Variants in SPATA16 observed in about 807,000 individuals in gnomAD.
SPATA16 encodes spermatogenesis associated 16, also known as spermatogenesis-associated protein 16.
In SPATA16, 36 loss-of-function variants were observed where a neutral mutation model predicts 63.3. The observed-to-expected ratio is 0.57, with a 90% CI of 0.44 to 0.75. The LOEUF is 0.75. Among genes scored for constraint, SPATA16 ranks in the 30% least tolerant of loss-of-function variants. The pLI is 0.00. For missense variants in SPATA16, 646 were observed against 679.3 expected (o/e 0.95, Z 0.54); for synonymous variants, 203 against 216.7 (o/e 0.94, Z 0.56).
intron 10 of SPATA16, among the ~76,000 whole-genome samples, chr3:172,892,213 C>T (rs1446847902): frequency 6.6e-6 from 1 of 152,112 alleles, no homozygotes; most frequent in Admixed American, 6.6e-5. Flanking sequence ...TGCCTGTGTA[C>T]TTGAAACAGC....
chr3:173,056,529 C>G (rs1223330956), intron 2 of SPATA16, among the ~76,000 whole-genome samples: 1 of 151,662 alleles, frequency 6.6e-6, no homozygotes, highest in African/African-American at 2.4e-5. Context: ...ATAGTAAAAC[C>G]CCGTCTCTAC....
intron 4 of SPATA16, among the ~76,000 whole-genome samples, chr3:173,005,512 CTT>C (rs1734923696): frequency 6.6e-6 from 1 of 152,000 alleles, no homozygotes; most frequent in South Asian, 2.1e-4. Context: ...GAAAAAGTAT[CTT>C]TCTTTGTACT....
intron 10 of SPATA16, among the ~76,000 whole-genome samples, chr3:172,893,944 A>AT (rs906387641): frequency 3.9e-4 from 59 of 151,144 alleles, no homozygotes; most frequent in African/African-American, 1.3e-3. Flanking sequence ...GGCTCAAATA[A>AT]TTTTTTTTTT....
intron 2 of SPATA16, among the ~76,000 whole-genome samples, chr3:173,084,264 A>C (rs1023514014): frequency 6.6e-6 from 1 of 152,140 alleles, no homozygotes; most frequent in Non-Finnish European, 1.5e-5. Flanking sequence ...TTCTCTAATG[A>C]TCAGCGATGT....
chr3:173,003,783 C>T (rs969329276), intron 4 of SPATA16, among the ~76,000 whole-genome samples: 4 of 152,302 alleles, frequency 2.6e-5, no homozygotes, highest in African/African-American at 9.6e-5. Flanking sequence ...ACAATGACAG[C>T]AGTAGCAGCA....
chr3:173,040,173 T>C (rs1735807371), intron 3 of SPATA16, among the ~76,000 whole-genome samples: 1 of 152,166 alleles, frequency 6.6e-6, no homozygotes, highest in Non-Finnish European at 1.5e-5. Context: ...CTTAGCCATC[T>C]GGATCCTGTT....
intron 5 of SPATA16, among the ~76,000 whole-genome samples, chr3:172,961,069 T>C (rs13314344): frequency 0.041 from 2,957 of 72,216 alleles, 206 homozygotes; most frequent in East Asian, 0.14. Context: ...CTTTCTTCTT[T>C]CTTCCTTCCT....
At chr3:173,134,684 T>C (rs974097531) in intron 1 of SPATA16, among the ~76,000 whole-genome samples, 15 of 152,154 alleles carry the variant, frequency 9.9e-5, no homozygotes, top group African/African-American at 3.1e-4. Flanking sequence ...AATAAACTTA[T>C]TTTTAAAATA....
intron 2 of SPATA16, among the ~76,000 whole-genome samples, chr3:173,079,785 C>T (rs1232842435): frequency 1.3e-5 from 2 of 151,972 alleles, no homozygotes; most frequent in African/African-American, 4.8e-5. Context: ...ATTTTCCATC[C>T]CAGTGCATGG....
At chr3:173,022,970 C>G (rs556735969) in intron 3 of SPATA16, among the ~76,000 whole-genome samples, 1 of 152,134 alleles carries the variant, frequency 6.6e-6, no homozygotes, top group South Asian at 2.1e-4. Flanking sequence ...TCACCCCTTT[C>G]TAAAACAATG....
At chr3:173,090,843 C>A (rs1737203562) in intron 2 of SPATA16, among the ~76,000 whole-genome samples, 1 of 152,136 alleles carries the variant, frequency 6.6e-6, no homozygotes, top group African/African-American at 2.4e-5. Context: ...TTTTTCTGAG[C>A]CATGAATGGG....
intron 2 of SPATA16, among the ~76,000 whole-genome samples, chr3:173,093,863 G>A (rs1334506676): frequency 1.3e-5 from 2 of 149,680 alleles, no homozygotes; most frequent in African/African-American, 2.4e-5. Context: ...CTGTAAATGA[G>A]TAAATGGGAG....
intron 5 of SPATA16, among the ~76,000 whole-genome samples, chr3:172,974,696 T>G (rs753678427): frequency 1.1e-4 from 16 of 152,120 alleles, no homozygotes; most frequent in Non-Finnish European, 1.9e-4. Context: ...TTATATTGCT[T>G]CTTTTTCCCT....
At chr3:173,092,650 TCTA>T (rs1691693369) in intron 2 of SPATA16, among the ~76,000 whole-genome samples, 1 of 151,920 alleles carries the variant, frequency 6.6e-6, no homozygotes, top group Non-Finnish European at 1.5e-5. Context: ...TCCCCTAGAG[TCTA>T]CCCAAGGAAT....
At chr3:172,974,413 A>G (rs535411256) in intron 5 of SPATA16, among the ~76,000 whole-genome samples, 1 of 152,144 alleles carries the variant, frequency 6.6e-6, no homozygotes, top group South Asian at 2.1e-4. Flanking sequence ...TGAAGTCATC[A>G]GTGAAATTGC....
intron 10 of SPATA16, among the ~76,000 whole-genome samples, chr3:172,893,432 A>C (rs1731934858): frequency 6.6e-6 from 1 of 152,210 alleles, no homozygotes; most frequent in African/African-American, 2.4e-5. Context: ...GAGGCAGGGA[A>C]CAGTTTCTTC....
At chr3:173,084,693 G>A (rs1377511481) in intron 2 of SPATA16, among the ~76,000 whole-genome samples, 5 of 152,132 alleles carry the variant, frequency 3.3e-5, no homozygotes, top group African/African-American at 9.7e-5. Context: ...GTTAATTTTT[G>A]TGTAAGGTGT....
intron 6 of SPATA16, among the ~76,000 whole-genome samples, 145 bp downstream of exon 6, chr3:172,956,523 TAAAACCTTA>T (rs1337306303): frequency 2.0e-5 from 3 of 152,190 alleles, no homozygotes; most frequent in Non-Finnish European, 4.4e-5. Context: ...TATCCTTATT[TAAAACCTTA>T]AAAATTTCTT....
intron 2 of SPATA16, among the ~76,000 whole-genome samples, chr3:173,076,762 G>A (rs1471570900): frequency 6.6e-6 from 1 of 152,060 alleles, no homozygotes; most frequent in Non-Finnish European, 1.5e-5. Context: ...CAGGAAAAAT[G>A]TCAGTATGTT....
Sources: gnomAD v4.1 joint callset for allele counts (sites outside exome capture counted in the v4.1 genomes callset) on GRCh38, gnomAD v4.1.1 for gene constraint, MANE v1.5 for transcripts, NCBI Gene and HGNC (gene_info 2026-07-23, HGNC 2026-07-21) for gene names.